Variants in CCNE2 observed in about 807,000 individuals in gnomAD.
CCNE2 encodes the protein G1/S-specific cyclin-E2.
CCNE2 carries 18 observed loss-of-function variants against 56.8 expected under a neutral mutation model. The observed-to-expected ratio is 0.32, with a 90% CI of 0.22 to 0.47. The LOEUF (loss-of-function observed/expected upper bound fraction) is 0.47, where lower values mean the gene tolerates loss of function less well. CCNE2 is among the 20% of genes least tolerant of loss of function. CCNE2 has a pLI of 1.00. For missense variants in CCNE2, 371 were observed against 467.1 expected (o/e 0.79, Z 1.90); for synonymous variants, 139 against 149.2 (o/e 0.93, Z 0.50).
rs1817299144 is a variant in CCNE2 at position 94,892,975 on chromosome 8, A to G, written c.166-6T>C. On this transcript the variant is annotated splice_polypyrimidine_tract_variant and splice_region_variant and intron_variant, in intron 4 of 11. Transcript: ENST00000308108. Reference sequence around the variant, plus strand: ...AATACAGGTGGCCAACAATTCTGTCATAAAAAAAAAGAAAAATATCAATTT... The same window carrying G: ...AATACAGGTGGCCAACAATTCTGTCGTAAAAAAAAAGAAAAATATCAATTT... 6.6e-7 allele frequency: 1 copy of G among 1,525,864 alleles called. No individual in the cohort carries two copies. The allele number at this position is 1,525,864 out of a possible 1,614,324, so 94.5% of individuals were successfully genotyped here.
intron 5 of CCNE2, chr8:94,891,555 G>C: frequency 3.0e-6 from 1 of 337,694 alleles, no homozygotes; most frequent in Non-Finnish European, 5.7e-6. Flanking sequence ...CTACTCAGGA[G>C]GCTGAGGCAG....
At chr8:94,895,221 C>A, upstream of CCNE2, 1 of 985,816 alleles carries the variant, frequency 1.0e-6, no homozygotes, top group Non-Finnish European at 1.2e-6. Flanking sequence ...CGGCGCCAAC[C>A]CAATATATAG....
chr8:94,896,130 A>C (rs1174312012), upstream of CCNE2, among the ~76,000 whole-genome samples: 1 of 151,972 alleles, frequency 6.6e-6, no homozygotes, highest in Non-Finnish European at 1.5e-5. Context: ...GGGATCCCAG[A>C]GGGTAAAACC....
At position 94,880,811 on chromosome 8, in the gene CCNE2, C is replaced by T; in HGVS notation, c.*821G>A. ...ATATCTTAGAGTAGTAAAGTGACTT[C>T]CTCATATAAATAGTTTGAAAGGGTA... On this transcript the variant is annotated 3_prime_UTR_variant, in exon 12 of 12. Coordinates refer to ENST00000308108, the MANE Select transcript of CCNE2 (RefSeq NM_057749.3). 5.0e-6 allele frequency: 2 copies of T among 398,492 alleles called. No individual in the cohort carries two copies. The highest frequency in any genetic ancestry group is 8.9e-6 in the Non-Finnish European group (2 of 225,786). 24.7% of individuals were successfully genotyped at this position (398,492 alleles called of 1,614,324 possible).
At position 94,882,899 on chromosome 8, in the gene CCNE2, GGAAA is replaced by G; in HGVS notation, c.832-11_832-8del. ...GAATACACAGATCTAAAAGCTAACA[GGAAA>G]AACAAAAGTACAAGCAATTTAGGAG... On this transcript the variant is annotated splice_region_variant and splice_polypyrimidine_tract_variant and intron_variant, in intron 9 of 11. Coordinates refer to ENST00000308108, the MANE Select transcript of CCNE2 (RefSeq NM_057749.3). The G allele has an allele frequency of 3.2e-6, 5 of 1,573,810 alleles. No individual in the cohort carries two copies. Among genetic ancestry groups the G allele is most frequent in the Non-Finnish European group, 4.4e-6 (5 of 1,144,348 alleles).
intron 10 of CCNE2, 118 bp from the exon 11 acceptor site, chr8:94,882,407 C>T: frequency 1.2e-6 from 1 of 800,902 alleles, no homozygotes; most frequent in Non-Finnish European, 1.9e-6. Flanking sequence ...CAAATCATAA[C>T]CAAGAAGTTT....
chr8:94,892,786 CTT>C (rs1817292833), intron 5 of CCNE2, 30 bp downstream of exon 5: 1 of 1,223,952 alleles, frequency 8.2e-7, no homozygotes, highest in Non-Finnish European at 1.1e-6. Flanking sequence ...AACTTTATAT[CTT>C]TGAAATAAAA....
intron 6 of CCNE2, among the ~76,000 whole-genome samples, chr8:94,889,132 CA>C (rs1409680914): frequency 2.0e-5 from 3 of 149,618 alleles, no homozygotes; most frequent in Admixed American, 2.0e-4. Flanking sequence ...TGGGTGACAA[CA>C]GCGAGGCTCC....
At chr8:94,895,379 C>T, upstream of CCNE2, 1 of 430,432 alleles carries the variant, frequency 2.3e-6, no homozygotes, top group Middle Eastern at 1.2e-3. Flanking sequence ...GTGGGGTCCA[C>T]TCTACCGGGC....
intron 5 of CCNE2, 39 bp from the exon 6 acceptor site, chr8:94,890,589 ATATTTTT>A (rs2131116328): frequency 5.8e-6 from 3 of 520,716 alleles, no homozygotes; most frequent in Non-Finnish European, 4.8e-6. Flanking sequence ...ATATATATAT[ATATTTTT>A]TTTTTTTTTT....
chr8:94,880,729 T>C lies in CCNE2; in HGVS notation c.*903A>G. 5.0e-6 allele frequency: 2 copies of C among 396,642 alleles called. No individual in the cohort carries two copies. Among genetic ancestry groups the C allele is most frequent in the Non-Finnish European group, 8.9e-6 (2 of 225,110 alleles). The allele number at this position is 396,642 out of a possible 1,614,324, so 24.6% of individuals were successfully genotyped here. ...GAATTTAGAAAGGACCTTAACAGTT[T>C]CACAAACATAAATAAAGCCTTAGTC... is the stretch of plus-strand genomic sequence containing the variant. On this transcript the variant is annotated 3_prime_UTR_variant, in exon 12 of 12. Coordinates refer to ENST00000308108, the MANE Select transcript of CCNE2 (RefSeq NM_057749.3).
At chr8:94,883,034 G>C (rs1816887153) in intron 9 of CCNE2, 142 bp from the exon 10 acceptor site, 1 of 502,016 alleles carries the variant, frequency 2.0e-6, no homozygotes, top group East Asian at 3.7e-5. Flanking sequence ...CCAGCACTTT[G>C]GGAGGCCGAG....
chr8:94,885,234 G>A (rs1185953797), intron 8 of CCNE2, 33 bp from the exon 9 acceptor site: 3 of 1,598,358 alleles, frequency 1.9e-6, no homozygotes, highest in Non-Finnish European at 2.6e-6. Flanking sequence ...GCCTGTTAAT[G>A]AATGTAGACA....
chr8:94,882,346 T>G (rs907391214), intron 10 of CCNE2, 57 bp from the exon 11 acceptor site: 63 of 1,344,976 alleles, frequency 4.7e-5, no homozygotes, highest in Non-Finnish European at 6.2e-5. Context: ...GAAACTATCT[T>G]ACATATGTCT....
intron 9 of CCNE2, among the ~76,000 whole-genome samples, chr8:94,883,231 G>A (rs960142578): frequency 8.6e-5 from 13 of 151,428 alleles, no homozygotes; most frequent in African/African-American, 2.9e-4. Flanking sequence ...AGCAGAGATC[G>A]CGCCACTGCA....
intron 5 of CCNE2, chr8:94,891,922 A>G: frequency 7.9e-7 from 1 of 1,263,560 alleles, no homozygotes. Flanking sequence ...CAAAGCACCT[A>G]CGATGTGCCA....
rs562263218 is a variant in CCNE2, at chr8:94,882,463, T to C, written c.944-174A>G. Among the ~76,000 whole-genome samples the C allele has an allele frequency of 2.6e-5, 4 of 152,342 alleles. No individual in the cohort carries two copies. In the East Asian group the frequency reaches 5.8e-4, roughly 22 times the overall value. ...CACTCTCAAACTATTTACATGACTATGTTGAAGGGAAAAAGGACTTCAGAA... is the reference window on the plus strand; with the variant it reads ...CACTCTCAAACTATTTACATGACTACGTTGAAGGGAAAAAGGACTTCAGAA... On this transcript the variant is annotated intron_variant, in intron 10 of 11. Transcript: ENST00000308108.
chr8:94,891,916 G>T, intron 5 of CCNE2: 1 of 1,308,832 alleles, frequency 7.6e-7, no homozygotes, highest in Non-Finnish European at 1.1e-6. Context: ...AGTGAACAAA[G>T]CACCTACGAT....
Position 94,882,140 on chromosome 8 carries a change from C to T in CCNE2, c.1093G>A (p.Ala365Thr), listed in dbSNP as rs777971345. 2.5e-6 allele frequency: 4 copies of T among 1,603,636 alleles called. No homozygotes were observed. The highest frequency in any genetic ancestry group is 3.4e-6 in the Non-Finnish European group (4 of 1,176,572). The stretch of plus-strand genomic sequence containing the variant: ...CTCACAAAAAAACATACCAGCATAG[C>T]CAAATAGTTTGTATGTGTCTGGATA... ...HNIQTHTNYLAMLEEVNYINT... is the reference protein window; with the variant it reads ...HNIQTHTNYLTMLEEVNYINT... Residue 365 changes from alanine to threonine, a missense_variant, in exon 11 of 12, where the codon GCT becomes ACT. Transcript: ENST00000308108.
Sources: gnomAD v4.1 joint callset for allele counts (sites outside exome capture counted in the v4.1 genomes callset) on GRCh38, gnomAD v4.1.1 for gene constraint, MANE v1.5 for transcripts, NCBI Gene and HGNC (gene_info 2026-07-23, HGNC 2026-07-21) for gene names.